UBE2E2: variants seen among roughly 807,000 people sequenced by gnomAD.
The protein encoded by UBE2E2 is ubiquitin conjugating enzyme E2 E2.
Under a neutral mutation model 24.7 loss-of-function variants are expected in UBE2E2, and 6 were observed. That is an observed-to-expected ratio of 0.24 (90% CI 0.13 to 0.48). UBE2E2 has a LOEUF of 0.48. UBE2E2 is among the 20% of genes least tolerant of loss of function. The pLI is 0.99. For synonymous variants in UBE2E2, 104 were observed against 83.6 expected (o/e 1.24, Z -1.33); for missense variants, 169 against 245.0 (o/e 0.69, Z 2.07).
intron 5 of UBE2E2, among the ~76,000 whole-genome samples, chr3:23,537,684 G>A (rs1433917341): frequency 6.6e-6 from 1 of 151,922 alleles, no homozygotes; most frequent in Non-Finnish European, 1.5e-5. Flanking sequence ...GATCACTTAA[G>A]GCCCTTTTTT....
intron 3 of UBE2E2, among the ~76,000 whole-genome samples, chr3:23,410,017 T>C (rs1400245356): frequency 6.6e-6 from 1 of 152,170 alleles, no homozygotes; most frequent in African/African-American, 2.4e-5. Flanking sequence ...TTACCTGTTT[T>C]CAAATAAGAT....
chr3:23,227,797 TG>T (rs773044979), intron 3 of UBE2E2, among the ~76,000 whole-genome samples: 6 of 152,166 alleles, frequency 3.9e-5, no homozygotes, highest in Non-Finnish European at 8.8e-5. Flanking sequence ...TGAGGGAGCA[TG>T]GTCTTGCCTT....
At chr3:23,313,446 G>A (rs192568138) in intron 3 of UBE2E2, among the ~76,000 whole-genome samples, 4 of 146,242 alleles carry the variant, frequency 2.7e-5, no homozygotes, top group African/African-American at 7.6e-5. Context: ...GTGCAGTGGC[G>A]CAATCTCAGC....
chr3:23,359,137 GCTTTT>G (rs1696045384), intron 3 of UBE2E2, among the ~76,000 whole-genome samples: 1 of 152,108 alleles, frequency 6.6e-6, no homozygotes, highest in African/African-American at 2.4e-5. Context: ...TTTATTTGCT[GCTTTT>G]CATGGACTCT....
chr3:23,498,420 T>G (rs1439931137), intron 3 of UBE2E2, among the ~76,000 whole-genome samples: 1 of 152,198 alleles, frequency 6.6e-6, no homozygotes, highest in Non-Finnish European at 1.5e-5. Context: ...TTCTTTGAGC[T>G]TCCGAAAAAA....
At chr3:23,551,269 G>T (rs542134999) in intron 5 of UBE2E2, among the ~76,000 whole-genome samples, 54 of 152,240 alleles carry the variant, frequency 3.5e-4, no homozygotes, top group South Asian at 1.0e-3. Context: ...AAACATTTTT[G>T]TTTATAAAAG....
At chr3:23,523,099 A>G (rs1694906255) in intron 4 of UBE2E2, among the ~76,000 whole-genome samples, 1 of 152,204 alleles carries the variant, frequency 6.6e-6, no homozygotes, top group Non-Finnish European at 1.5e-5. Context: ...AAAAAACACA[A>G]ATTTAGAAAA....
intron 3 of UBE2E2, among the ~76,000 whole-genome samples, chr3:23,273,170 A>G (rs1698292241): frequency 6.6e-6 from 1 of 152,220 alleles, no homozygotes; most frequent in Admixed American, 6.5e-5. Flanking sequence ...CTTCTAAAAC[A>G]ATTTTATATA....
At chr3:23,542,849 T>C (rs530175670) in intron 5 of UBE2E2, among the ~76,000 whole-genome samples, 1 of 152,334 alleles carries the variant, frequency 6.6e-6, no homozygotes, top group East Asian at 1.9e-4. Context: ...TTTAGACACG[T>C]TGACCTCAGG....
chr3:23,460,410 T>A (rs1448649538), intron 3 of UBE2E2, among the ~76,000 whole-genome samples: 1 of 152,192 alleles, frequency 6.6e-6, no homozygotes, highest in Non-Finnish European at 1.5e-5. Flanking sequence ...ACAACCTCTG[T>A]TCTGTTTCCT....
chr3:23,442,392 A>T (rs1698329049), intron 3 of UBE2E2, among the ~76,000 whole-genome samples: 1 of 151,198 alleles, frequency 6.6e-6, no homozygotes, highest in Non-Finnish European at 1.5e-5. Flanking sequence ...CTTGTAAGAG[A>T]GGGTGATATT....
chr3:23,386,673 A>G (rs958609481), intron 3 of UBE2E2, among the ~76,000 whole-genome samples: 1 of 152,244 alleles, frequency 6.6e-6, no homozygotes, highest in African/African-American at 2.4e-5. Context: ...TTTACATATT[A>G]AGAGCCATCG....
intron 3 of UBE2E2, among the ~76,000 whole-genome samples, chr3:23,226,572 G>A (rs1173024381): frequency 2.6e-5 from 4 of 152,144 alleles, no homozygotes; most frequent in Admixed American, 2.6e-4. Context: ...ATGTGAACTT[G>A]GCTTTGAAGA....
chr3:23,211,758 G>A (rs1451098830), intron 2 of UBE2E2, among the ~76,000 whole-genome samples: 1 of 152,134 alleles, frequency 6.6e-6, no homozygotes, highest in Non-Finnish European at 1.5e-5. Flanking sequence ...GTAGAAGGAA[G>A]ATGATAACGG....
At chr3:23,267,555 A>T (rs1398426847) in intron 3 of UBE2E2, among the ~76,000 whole-genome samples, 1 of 152,052 alleles carries the variant, frequency 6.6e-6, no homozygotes, top group Non-Finnish European at 1.5e-5. Flanking sequence ...AAATTGTGGC[A>T]ATAATCAATA....
At chr3:23,314,033 C>G (rs1230151295) in intron 3 of UBE2E2, among the ~76,000 whole-genome samples, 2 of 152,184 alleles carry the variant, frequency 1.3e-5, no homozygotes, top group Non-Finnish European at 2.9e-5. Flanking sequence ...AAAAAGGAAA[C>G]TAATAACTCT....
chr3:23,365,200 T>C (rs1043963561), intron 3 of UBE2E2, among the ~76,000 whole-genome samples: 72 of 152,260 alleles, frequency 4.7e-4, no homozygotes, highest in African/African-American at 1.5e-3. Context: ...AGCATTCCCC[T>C]TGAGAACCGG....
chr3:23,290,842 T>C (rs924572855), intron 3 of UBE2E2, among the ~76,000 whole-genome samples: 1 of 144,466 alleles, frequency 6.9e-6, no homozygotes, highest in Non-Finnish European at 1.5e-5. Context: ...ATCGCTTCAG[T>C]CCAGGAGTTC....
intron 3 of UBE2E2, among the ~76,000 whole-genome samples, chr3:23,459,312 T>C (rs1698757514): frequency 6.6e-6 from 1 of 152,344 alleles, no homozygotes; most frequent in South Asian, 2.1e-4. Flanking sequence ...TTCATAAACA[T>C]TCTTCTCATT....
Sources: allele counts gnomAD v4.1 joint callset (sites outside exome capture counted in the v4.1 genomes callset), GRCh38; gene constraint gnomAD v4.1.1; transcripts MANE v1.5; gene names NCBI Gene and HGNC (gene_info 2026-07-23, HGNC 2026-07-21).